The following TDRD10 variants were observed in gnomAD, a reference collection of about 807,000 sequenced individuals.
The protein encoded by TDRD10 is tudor domain containing 10, also known as tudor domain-containing protein 10.
TDRD10 carries 40 observed loss-of-function variants against 48.0 expected under a neutral mutation model. That is an observed-to-expected ratio of 0.83 (90% CI 0.65 to 1.09). TDRD10 has a LOEUF of 1.09. Among genes scored for constraint, TDRD10 ranks in the 50% least tolerant of loss-of-function variants. The pLI is 0.00. For missense variants in TDRD10, 378 were observed against 434.7 expected, an observed-to-expected ratio of 0.87 and a Z score of 1.16; for synonymous variants, 162 against 170.4, an observed-to-expected ratio of 0.95 and a Z score of 0.38.
chr1:154,523,088 T>C (rs183893026), intron 6 of TDRD10, among the ~76,000 whole-genome samples: 1 of 152,242 alleles, frequency 6.6e-6, no homozygotes, highest in East Asian at 1.9e-4. Context: ...ATTTTTTCGA[T>C]AGAGACAGGG....
intron 4 of TDRD10, 105 bp downstream of exon 4, chr1:154,508,586 C>A: frequency 1.3e-6 from 1 of 791,292 alleles, no homozygotes; most frequent in African/African-American, 1.7e-5. Flanking sequence ...CGTTTGAGAG[C>A]TATGATAGTG....
At chr1:154,511,719 G>A (rs1024824035) in intron 4 of TDRD10, among the ~76,000 whole-genome samples, 4 of 151,856 alleles carry the variant, frequency 2.6e-5, no homozygotes, top group Non-Finnish European at 5.9e-5. Flanking sequence ...GTGGTGGTGC[G>A]TGCCTGTAGT....
At chr1:154,533,506 TTCTCTCCA>T (rs1457753362) in intron 6 of TDRD10, among the ~76,000 whole-genome samples, 1 of 152,122 alleles carries the variant, frequency 6.6e-6, no homozygotes, top group Non-Finnish European at 1.5e-5. Flanking sequence ...GCCTGTTCCC[TTCTCTCCA>T]TCTTTCAGAG....
rs79118769 is a variant in TDRD10, at chr1:154,537,866, A to G, written c.370-4158A>G. Among the ~76,000 whole-genome samples the G allele has an allele frequency of 2.4e-4, 37 of 152,344 alleles. No homozygotes were observed. The East Asian group carries it at 2.9e-3, about 12-fold the overall frequency. On this transcript the variant is annotated intron_variant, in intron 6 of 12. Coordinates refer to ENST00000368482, the MANE Select transcript of TDRD10 (RefSeq NM_182499.4). ...TGTCCCAGAACAAAGTAAAGGGATA[A>G]TTAAGAGCTGTTGATTGATCTGGGC...
Position 154,520,214 on chromosome 1 carries a change from TC to T in TDRD10, c.142-88del. ...CTCATTAAGTATGAGTTAAATTGAG[TC>T]CAGACTAGCTGGCTGGGGATCTGAA... On this transcript the variant is annotated intron_variant, in intron 4 of 12. Coordinates refer to ENST00000368482, the MANE Select transcript of TDRD10 (RefSeq NM_182499.4). 3 of 906,694 alleles carry T rather than the reference TC, an allele frequency of 3.3e-6. No individual in the cohort carries two copies. The South Asian group carries it at 4.0e-5, about 12-fold the overall frequency. 56.2% of individuals were successfully genotyped at this position (906,694 alleles called of 1,614,324 possible).
intron 4 of TDRD10, among the ~76,000 whole-genome samples, chr1:154,516,176 C>G (rs1362722797): frequency 6.6e-6 from 1 of 152,120 alleles, no homozygotes; most frequent in Non-Finnish European, 1.5e-5. Flanking sequence ...GCATAGATGA[C>G]TTTTTCAAGG....
chr1:154,508,423 G>A lies in TDRD10; in HGVS notation c.83G>A (p.Gly28Glu). Reference sequence around the variant, plus strand: ...CATTTAATGCTGTTTTTCTTCTTAGGATTCAAGAAAAGAGAGACAGAGGTG... The same window carrying A: ...CATTTAATGCTGTTTTTCTTCTTAGAATTCAAGAAAAGAGAGACAGAGGTG... Reference protein sequence around the residue: ...NGVLEEQKSPGFKKRETEVYV... With the variant: ...NGVLEEQKSPEFKKRETEVYV... Residue 28 changes from glycine to glutamate, a missense_variant and splice_region_variant, in exon 4 of 13, where the codon GGA (glycine) becomes GAA (glutamate). Around this residue, in one of 2 missense-constraint regions of TDRD10, gnomAD observed 310 missense variants for 323.6 expected, o/e 0.96. Coordinates refer to ENST00000368482, the MANE Select transcript of TDRD10 (RefSeq NM_182499.4). 1.2e-6 allele frequency: 2 copies of A among 1,604,538 alleles called. No homozygotes were observed. Among genetic ancestry groups the A allele is most frequent in the Non-Finnish European group, 1.7e-6 (2 of 1,171,346 alleles).
chr1:154,544,928 C>CA lies in TDRD10; in HGVS notation c.932dup (p.Pro312AlafsTer13). 1 of 1,614,190 alleles carries CA rather than the reference C, an allele frequency of 6.2e-7. No homozygotes were observed. The highest frequency in any genetic ancestry group is 1.1e-5 in the South Asian group (1 of 91,082). On this transcript the variant is annotated frameshift_variant, in exon 11 of 13. Coordinates refer to ENST00000368482, the MANE Select transcript of TDRD10 (RefSeq NM_182499.4). LOFTEE classifies it high-confidence loss of function. ...CTTCTGGACCATCCCACCCCTGACT[C>CA]AGCCATTCATGCTGGAGAAAGGTGA...
chr1:154,507,058 T>C (rs1199432740), intron 2 of TDRD10, 153 bp downstream of exon 2: 1 of 985,224 alleles, frequency 1.0e-6, no homozygotes, highest in Admixed American at 6.2e-5. Flanking sequence ...TAACTTTTAG[T>C]GATTTAAAAG....
At chr1:154,540,990 G>A (rs1695195883) in intron 6 of TDRD10, among the ~76,000 whole-genome samples, 1 of 152,188 alleles carries the variant, frequency 6.6e-6, no homozygotes, top group Admixed American at 6.5e-5. Context: ...GACTTTTGCA[G>A]GGCCATTTTG....
In TDRD10 at chr1:154,542,034, A is replaced by G. The variant is rs1395276327; in HGVS notation, c.380A>G (p.Lys127Arg). The G allele has an allele frequency of 3.7e-6, 6 of 1,613,848 alleles. No individual in the cohort carries two copies. Among genetic ancestry groups the G allele is most frequent in the Non-Finnish European group, 1.7e-6 (2 of 1,179,896 alleles). Residue 127 changes from lysine to arginine, a missense_variant, in exon 7 of 13, where the codon AAG becomes AGG. Around this residue, in one of 2 missense-constraint regions of TDRD10, gnomAD observed 310 missense variants for 323.6 expected, o/e 0.96. Coordinates refer to ENST00000368482, the MANE Select transcript of TDRD10 (RefSeq NM_182499.4). ...CATTTTTCTTCCCAGGTGTTGGAGAAGGCTTCTGGTGAAGGATTTGGCAAA... is the reference window on the plus strand; with the variant it reads ...CATTTTTCTTCCCAGGTGTTGGAGAGGGCTTCTGGTGAAGGATTTGGCAAA... The part of the protein sequence containing the change: ...QQPRAPLVLE[K>R]ASGEGFGKTA...
At chr1:154,537,146 T>C (rs537589694) in intron 6 of TDRD10, among the ~76,000 whole-genome samples, 1 of 152,212 alleles carries the variant, frequency 6.6e-6, no homozygotes, top group Admixed American at 6.5e-5. Flanking sequence ...CATTCCGGGC[T>C]CCACTCAGCA....
In TDRD10 at chr1:154,544,074, G is replaced by A. The variant is rs757765828; in HGVS notation, c.615G>A (p.Pro205=). ...GGCTGCTGGTGACGAGTATCGTCCCGAAGACCCCGTTTTTCTGGGCTATGC... is the reference window on the plus strand; with the variant it reads ...GGCTGCTGGTGACGAGTATCGTCCCAAAGACCCCGTTTTTCTGGGCTATGC... ...EAGLLVTSIV[P]KTPFFWAMHV... is the part of the protein sequence containing the mutation. Residue 205 remains proline (P), a synonymous_variant, in exon 9 of 13, where the codon CCG becomes CCA. Transcript: ENST00000368482. 3.5e-5 allele frequency: 56 copies of A among 1,614,022 alleles called. No individual in the cohort carries two copies. The Admixed American group carries it at 4.3e-4, about 12-fold the overall frequency.
rs2149360047 is a variant in TDRD10 at position 154,548,022 on chromosome 1, T to C, written c.*312T>C. The C allele has an allele frequency of 4.3e-6, 2 of 464,668 alleles. No homozygotes were observed. 28.8% of individuals were successfully genotyped at this position (464,668 alleles called of 1,614,324 possible). ...TGTCTCTTCTTTGCACCCCAGAGCA[T>C]GATATAAGTGGTCCTAACAGATTCT... On this transcript the variant is annotated 3_prime_UTR_variant, in exon 13 of 13. Coordinates refer to ENST00000368482, the MANE Select transcript of TDRD10 (RefSeq NM_182499.4).
chr1:154,546,008 C>T lies in TDRD10; in HGVS notation c.952+1059C>T, dbSNP rs530416876. On this transcript the variant is annotated intron_variant, in intron 11 of 12. Transcript: ENST00000368482. Reference sequence around the variant, plus strand: ...CAGACTGGTCTCGAACTCCTGACCTCGTGATCCGCCCACCTCGGCCTCCCA... The same window carrying T: ...CAGACTGGTCTCGAACTCCTGACCTTGTGATCCGCCCACCTCGGCCTCCCA... Among the ~76,000 whole-genome samples the T allele has an allele frequency of 3.5e-5, 5 of 141,170 alleles. No homozygotes were observed. The East Asian group carries it at 8.4e-4, about 24-fold the overall frequency. 92.6% of individuals were successfully genotyped at this position (141,170 alleles called of 152,430 possible). A position where few individuals can be genotyped will look rare whatever the true frequency, so the allele number is the denominator to read the frequency against.
chr1:154,517,176 T>C (rs1289927581), intron 4 of TDRD10, among the ~76,000 whole-genome samples: 1 of 152,188 alleles, frequency 6.6e-6, no homozygotes. Flanking sequence ...GGAATGACCA[T>C]GTCTGGGGTA....
rs565198040 is a variant in TDRD10, at chr1:154,528,299, C to G, written c.369+6820C>G. On this transcript the variant is annotated intron_variant, in intron 6 of 12. Transcript: ENST00000368482. ...AGTGCAGTGGCGTGATCTTCATTCA[C>G]TGGACAACCTCTGCCTCCTGGGTTC... is the stretch of plus-strand genomic sequence containing the variant. 9.2e-5 allele frequency among the ~76,000 whole-genome samples: 14 copies of G among 151,878 alleles called. No homozygotes were observed. In the South Asian group the frequency reaches 2.9e-3, roughly 31 times the overall value.
At chr1:154,521,273 G>A in intron 5 of TDRD10, 50 bp from the exon 6 acceptor site, 1 of 1,598,204 alleles carries the variant, frequency 6.3e-7, no homozygotes, top group Non-Finnish European at 8.5e-7. Flanking sequence ...GCAGCTCTGG[G>A]CTTCTCTGGA....
intron 11 of TDRD10, 152 bp downstream of exon 11, chr1:154,545,101 C>T (rs1006690456): frequency 9.6e-7 from 1 of 1,037,438 alleles, no homozygotes; most frequent in Non-Finnish European, 1.4e-6. Flanking sequence ...ATGACCCCTG[C>T]AAAGCTGCCT....
Sources: gnomAD v4.1 joint callset for allele counts (sites outside exome capture counted in the v4.1 genomes callset) on GRCh38, gnomAD v4.1.1 for gene constraint, gnomAD v4.1.1 regional missense constraint, MANE v1.5 for transcripts, NCBI Gene and HGNC (gene_info 2026-07-23, HGNC 2026-07-21) for gene names.